Variants in QSER1 observed in about 807,000 individuals in gnomAD.
QSER1 encodes glutamine and serine rich 1, also known as glutamine and serine-rich protein 1.
A neutral mutation model predicts 158.5 loss-of-function variants in QSER1; 49 were observed. The ratio of observed to expected loss-of-function variants is 0.31; its 90% CI spans 0.25 to 0.39. The LOEUF (loss-of-function observed/expected upper bound fraction) is 0.39, where lower values mean the gene tolerates loss of function less well. Ranked by LOEUF, QSER1 falls within the 10% of genes least tolerant of loss-of-function variation. The pLI is 1.00. For synonymous variants in QSER1, 650 were observed against 715.5 expected (o/e 0.91, Z 1.46); for missense variants, 1,754 against 2,010.3 (o/e 0.87, Z 2.44).
At chr11:32,946,029 C>T (rs982590167) in intron 4 of QSER1, among the ~76,000 whole-genome samples, 15 of 151,844 alleles carry the variant, frequency 9.9e-5, no homozygotes, top group African/African-American at 3.4e-4. Context: ...TTGATCGCAT[C>T]GGCTCCTGAG....
At chr11:32,904,601 C>CT (rs61491135) in intron 1 of QSER1, among the ~76,000 whole-genome samples, 5,986 of 114,304 alleles carry the variant, frequency 0.052, 302 homozygotes, top group African/African-American at 0.11. Context: ...CATATCCACT[C>CT]TTTTTTTTTT....
intron 10 of QSER1, among the ~76,000 whole-genome samples, chr11:32,969,533 A>T (rs914967765): frequency 6.6e-6 from 1 of 152,166 alleles, no homozygotes; most frequent in African/African-American, 2.4e-5. Flanking sequence ...TAGGAAATGT[A>T]TATAATTCTA....
chr11:32,934,056 C>T lies in QSER1; in HGVS notation c.2798C>T (p.Pro933Leu), dbSNP rs1852098588. 3.1e-6 allele frequency: 5 copies of T among 1,613,846 alleles called. No individual in the cohort carries two copies. The highest frequency in any genetic ancestry group is 4.2e-6 in the Non-Finnish European group (5 of 1,179,946). ...MKMDLSESSKPLQQHLTTKGH... is the reference protein window; with the variant it reads ...MKMDLSESSKLLQQHLTTKGH... ...ATGGACCTCTCTGAGTCTTCAAAAC[C>T]ATTACAACAACATCTAACAACAAAG... is the stretch of plus-strand genomic sequence containing the variant. Residue 933 changes from proline to leucine, a missense_variant, in exon 4 of 13, where the codon CCA becomes CTA. Physicochemically the swap from Pro to Leu is moderately conservative, Grantham distance 98. Around this residue, in one of 2 missense-constraint regions of QSER1, gnomAD observed 1,707 missense variants for 1,919.6 expected, o/e 0.89. Coordinates refer to ENST00000650167, the MANE Select transcript of QSER1 (RefSeq NM_001076786.3).
chr11:32,963,051 G>A (rs533874590), intron 8 of QSER1, among the ~76,000 whole-genome samples: 5 of 152,202 alleles, frequency 3.3e-5, no homozygotes, highest in African/African-American at 1.2e-4. Flanking sequence ...TGCTTTATGT[G>A]TACCTGCTAT....
chr11:32,908,050 T>C (rs918808286), intron 1 of QSER1, among the ~76,000 whole-genome samples: 3 of 152,152 alleles, frequency 2.0e-5, no homozygotes, highest in Non-Finnish European at 2.9e-5. Flanking sequence ...CAGTGAGCCA[T>C]GATCACCTCT....
chr11:32,976,116 G>A lies in QSER1; in HGVS notation c.5455-218G>A, dbSNP rs150003079. 7.1e-3 allele frequency among the ~76,000 whole-genome samples: 1,076 copies of A among 152,282 alleles called. 9 individuals carry two copies. The highest frequency in any genetic ancestry group is 0.012 in the Non-Finnish European group (812 of 68,014). On this transcript the variant is annotated intron_variant, in intron 12 of 12. Transcript: ENST00000650167. ...CAAAATTTGTCATTTGACTTTTAAC[G>A]TAATTGGAAGAAATGGAGAAAGTCT...
At chr11:32,901,218 T>G (rs764974820) in intron 1 of QSER1, among the ~76,000 whole-genome samples, 9 of 152,186 alleles carry the variant, frequency 5.9e-5, no homozygotes, top group Non-Finnish European at 1.2e-4. Flanking sequence ...TGGAAAAACT[T>G]AGAAAAGTAT....
chr11:32,917,065 G>A (rs944569626), intron 1 of QSER1, among the ~76,000 whole-genome samples: 2 of 152,172 alleles, frequency 1.3e-5, no homozygotes, highest in Admixed American at 1.3e-4. Context: ...GGGATTACAG[G>A]TGTGAGCCAC....
At chr11:32,920,829 A>G (rs1286970883) in intron 1 of QSER1, among the ~76,000 whole-genome samples, 1 of 152,216 alleles carries the variant, frequency 6.6e-6, no homozygotes, top group African/African-American at 2.4e-5. Context: ...GATGTCTACT[A>G]TAGATGAGAA....
Position 32,933,084 on chromosome 11 carries a change from G to C in QSER1, c.1826G>C (p.Arg609Pro). 1 of 1,613,674 alleles carries C rather than the reference G, an allele frequency of 6.2e-7. No homozygotes were observed. ...APSLSYSSAS[R>P]AQNLPDSSPT... Reference sequence around the variant, plus strand: ...TCTCTTTCTTATTCTTCTGCCTCTCGGGCTCAGAATTTGCCAGACTCTAGC... The same window carrying C: ...TCTCTTTCTTATTCTTCTGCCTCTCCGGCTCAGAATTTGCCAGACTCTAGC... Residue 609 changes from arginine (R) to proline (P), a missense_variant, in exon 4 of 13, where the codon CGG (arginine) becomes CCG (proline). Coordinates refer to ENST00000650167, the MANE Select transcript of QSER1 (RefSeq NM_001076786.3).
chr11:32,966,202 T>G, intron 8 of QSER1, 98 bp from the exon 9 acceptor site: 1 of 1,308,558 alleles, frequency 7.6e-7, no homozygotes, highest in Non-Finnish European at 1.1e-6. Flanking sequence ...TTGAAGAAAT[T>G]GTATCTGCAA....
intron 1 of QSER1, among the ~76,000 whole-genome samples, chr11:32,901,726 C>T (rs1851628090): frequency 6.6e-6 from 1 of 152,100 alleles, no homozygotes; most frequent in Non-Finnish European, 1.5e-5. Flanking sequence ...TACCACAGAG[C>T]GTTGGTACTA....
At chr11:32,952,960 G>A (rs528340635) in intron 4 of QSER1, among the ~76,000 whole-genome samples, 3 of 151,542 alleles carry the variant, frequency 2.0e-5, no homozygotes, top group African/African-American at 7.3e-5. Flanking sequence ...GCACCACCAC[G>A]CCCAGCTAAT....
intron 11 of QSER1, among the ~76,000 whole-genome samples, chr11:32,973,851 T>C (rs537317718): frequency 6.6e-6 from 1 of 152,344 alleles, no homozygotes; most frequent in South Asian, 2.1e-4. Flanking sequence ...TTAAATTGCA[T>C]ATATTATGTA....
intron 1 of QSER1, among the ~76,000 whole-genome samples, chr11:32,906,109 T>G (rs952918847): frequency 4.1e-4 from 60 of 148,110 alleles, no homozygotes; most frequent in Admixed American, 1.5e-3. Context: ...TTTTAGTTTT[T>G]TTTTTTTTTT....
chr11:32,916,378 T>G (rs139958696), intron 1 of QSER1, among the ~76,000 whole-genome samples: 1 of 152,198 alleles, frequency 6.6e-6, no homozygotes, highest in Non-Finnish European at 1.5e-5. Flanking sequence ...TTTTCCTAGT[T>G]TCCCCTCTCC....
At chr11:32,940,777 C>T (rs1852218766) in intron 4 of QSER1, among the ~76,000 whole-genome samples, 1 of 152,112 alleles carries the variant, frequency 6.6e-6, no homozygotes. Flanking sequence ...GTTATACCCT[C>T]TTTCTTCCTC....
At chr11:32,913,335 T>A (rs967845843) in intron 1 of QSER1, among the ~76,000 whole-genome samples, 3 of 151,628 alleles carry the variant, frequency 2.0e-5, no homozygotes, top group African/African-American at 7.3e-5. Flanking sequence ...GGACTACAGG[T>A]GCGCGCCACC....
intron 1 of QSER1, among the ~76,000 whole-genome samples, chr11:32,914,108 C>G (rs1851803710): frequency 6.6e-6 from 1 of 152,142 alleles, no homozygotes; most frequent in South Asian, 2.1e-4. Context: ...TGCTAGAGTT[C>G]CACACAGATT....
Sources: gnomAD v4.1 joint callset for allele counts (sites outside exome capture counted in the v4.1 genomes callset) on GRCh38, gnomAD v4.1.1 for gene constraint, gnomAD v4.1.1 regional missense constraint, MANE v1.5 for transcripts, NCBI Gene and HGNC (gene_info 2026-07-23, HGNC 2026-07-21) for gene names.